The following STARD3NL variants were observed in gnomAD, a reference collection of about 807,000 sequenced individuals.
STARD3NL encodes the protein STARD3 N-terminal like, also known as STARD3 N-terminal-like protein.
A neutral mutation model predicts 30.9 loss-of-function variants in STARD3NL; 17 were observed. That is an observed-to-expected ratio of 0.55 (90% CI 0.38 to 0.82). The LOEUF (loss-of-function observed/expected upper bound fraction) is 0.82. STARD3NL is among the 40% of genes least tolerant of loss of function. STARD3NL has a pLI of 0.00. For synonymous variants in STARD3NL, 112 were observed against 100.5 expected, an observed-to-expected ratio of 1.11 and a Z score of -0.69; for missense variants, 234 against 277.6, an observed-to-expected ratio of 0.84 and a Z score of 1.12.
At chr7:38,216,980 T>C (rs759015309) in intron 4 of STARD3NL, 45 bp from the exon 5 acceptor site, 12 of 1,605,134 alleles carry the variant, frequency 7.5e-6, no homozygotes, top group Admixed American at 5.0e-5. Context: ...ACCTTCACAG[T>C]GTGAGATGCC....
intron 3 of STARD3NL, 39 bp from the exon 4 acceptor site, chr7:38,214,989 T>C (rs1786016245): frequency 6.4e-7 from 1 of 1,564,232 alleles, no homozygotes; most frequent in Non-Finnish European, 8.8e-7. Flanking sequence ...CATTTTTGTA[T>C]ATATTTTTTA....
intron 1 of STARD3NL, among the ~76,000 whole-genome samples, chr7:38,180,303 T>G (rs1274211386): frequency 6.6e-6 from 1 of 152,196 alleles, no homozygotes; most frequent in Non-Finnish European, 1.5e-5. Context: ...GAACTCAAAG[T>G]CTTTGCTTTT....
chr7:38,227,532 T>C (rs544629050), intron 7 of STARD3NL, among the ~76,000 whole-genome samples: 1 of 152,206 alleles, frequency 6.6e-6, no homozygotes, highest in South Asian at 2.1e-4. Context: ...GACATTCTCC[T>C]TAGGGAAAAA....
intron 1 of STARD3NL, among the ~76,000 whole-genome samples, chr7:38,206,482 C>G (rs1205479012): frequency 6.6e-6 from 1 of 152,164 alleles, no homozygotes; most frequent in Non-Finnish European, 1.5e-5. Context: ...TTTGTCCCAT[C>G]CATAAGCAGA....
intron 1 of STARD3NL, among the ~76,000 whole-genome samples, chr7:38,185,854 C>A (rs1784437567): frequency 1.3e-5 from 2 of 152,184 alleles, no homozygotes; most frequent in South Asian, 4.1e-4. Context: ...AGAAGGTACA[C>A]TTTTAGCCAC....
At chr7:38,181,987 G>A (rs996258376) in intron 1 of STARD3NL, among the ~76,000 whole-genome samples, 20 of 152,124 alleles carry the variant, frequency 1.3e-4, no homozygotes, top group Non-Finnish European at 2.5e-4. Flanking sequence ...AGCATTTCCC[G>A]TGTCTCTATA....
intron 7 of STARD3NL, among the ~76,000 whole-genome samples, chr7:38,228,286 A>G (rs961732831): frequency 1.3e-5 from 2 of 152,240 alleles, no homozygotes; most frequent in African/African-American, 4.8e-5. Flanking sequence ...TAAGGAAAGA[A>G]TTCCAGAGCG....
At chr7:38,198,938 T>C (rs1785049670) in intron 1 of STARD3NL, among the ~76,000 whole-genome samples, 1 of 152,222 alleles carries the variant, frequency 6.6e-6, no homozygotes, top group Non-Finnish European at 1.5e-5. Flanking sequence ...AGAATAAATG[T>C]ATAGGTTACT....
chr7:38,212,882 A>G (rs1364826243), intron 2 of STARD3NL, among the ~76,000 whole-genome samples: 2 of 152,234 alleles, frequency 1.3e-5, no homozygotes, highest in African/African-American at 4.8e-5. Flanking sequence ...GTGAAACTAA[A>G]GATAGTTTAT....
intron 6 of STARD3NL, among the ~76,000 whole-genome samples, chr7:38,219,146 A>G (rs1786298535): frequency 6.6e-6 from 1 of 152,214 alleles, no homozygotes; most frequent in Non-Finnish European, 1.5e-5. Flanking sequence ...TACTGGGCTC[A>G]AGCAATCCTC....
At chr7:38,223,849 A>T (rs990505346) in intron 7 of STARD3NL, among the ~76,000 whole-genome samples, 5 of 152,170 alleles carry the variant, frequency 3.3e-5, no homozygotes, top group African/African-American at 1.2e-4. Flanking sequence ...TCCATTGTAA[A>T]TGTATAATTG....
intron 1 of STARD3NL, among the ~76,000 whole-genome samples, chr7:38,183,288 C>G (rs1784320928): frequency 6.6e-6 from 1 of 152,098 alleles, no homozygotes; most frequent in South Asian, 2.1e-4. Flanking sequence ...GGCCTCTGTT[C>G]CTCAGCACTG....
At chr7:38,184,770 A>C (rs1420319985) in intron 1 of STARD3NL, among the ~76,000 whole-genome samples, 1 of 145,450 alleles carries the variant, frequency 6.9e-6, no homozygotes, top group African/African-American at 2.5e-5. Context: ...ACTTGCTCTC[A>C]AATAATGCAA....
chr7:38,204,864 G>T (rs943511931), intron 1 of STARD3NL, among the ~76,000 whole-genome samples: 1 of 151,864 alleles, frequency 6.6e-6, no homozygotes, highest in African/African-American at 2.4e-5. Context: ...ACACCTCTAC[G>T]CAAATAAACT....
At chr7:38,178,567 CA>C (rs1784114315) in intron 1 of STARD3NL, 147 bp downstream of exon 1, 2 of 152,702 alleles carry the variant, frequency 1.3e-5, no homozygotes, top group Non-Finnish European at 2.9e-5. Flanking sequence ...CGCGAGCCTC[CA>C]GGGGAGGAGG....
rs1212324312 is a variant in STARD3NL, at chr7:38,207,523, G to C, written c.19G>C (p.Asp7His). The C allele has an allele frequency of 1.1e-5, 17 of 1,613,924 alleles. No homozygotes were observed. Among genetic ancestry groups the C allele is most frequent in the Non-Finnish European group, 1.4e-5 (17 of 1,179,930 alleles). Residue 7 changes from aspartate to histidine, a missense_variant, in exon 2 of 9, where the codon GAC (aspartate) becomes CAC (histidine). By Grantham distance (81) the Asp-to-His change is moderately conservative. Transcript: ENST00000009041. ...CTCCAGGATGAACCACCTGCCAGAA[G>C]ACATGGAGAACGCTCTCACCGGGAG... MNHLPE[D>H]MENALTGSQS...
chr7:38,206,412 A>G (rs747039096), intron 1 of STARD3NL, among the ~76,000 whole-genome samples: 3 of 152,216 alleles, frequency 2.0e-5, no homozygotes, highest in Non-Finnish European at 2.9e-5. Flanking sequence ...GAGAGGTCCT[A>G]CAGGAAAGGA....
At chr7:38,188,666 T>C (rs549839539) in intron 1 of STARD3NL, among the ~76,000 whole-genome samples, 1 of 152,346 alleles carries the variant, frequency 6.6e-6, no homozygotes, top group South Asian at 2.1e-4. Context: ...TCTTAAACCA[T>C]GTAGTTCACA....
intron 7 of STARD3NL, among the ~76,000 whole-genome samples, chr7:38,222,141 T>TCACA (rs3223376): frequency 0.086 from 12,329 of 144,112 alleles, 675 homozygotes; most frequent in Middle Eastern, 0.11. Context: ...GTTAATATTT[T>TCACA]CACACACACA....
Sources: allele counts gnomAD v4.1 joint callset (sites outside exome capture counted in the v4.1 genomes callset), GRCh38; gene constraint gnomAD v4.1.1; transcripts MANE v1.5; gene names NCBI Gene and HGNC (gene_info 2026-07-23, HGNC 2026-07-21).